Variants in BACE2 observed in about 807,000 individuals in gnomAD.
BACE2 encodes the protein beta-secretase 2.
Under a neutral mutation model 46.2 loss-of-function variants are expected in BACE2, and 17 were observed. The ratio of observed to expected loss-of-function variants is 0.37; its 90% CI spans 0.25 to 0.55. The LOEUF (loss-of-function observed/expected upper bound fraction) is 0.55. BACE2 is among the 20% of genes least tolerant of loss of function. The pLI is 0.82. For synonymous variants in BACE2, 277 were observed against 295.9 expected, an observed-to-expected ratio of 0.94 and a Z score of 0.66; for missense variants, 595 against 698.1, an observed-to-expected ratio of 0.85 and a Z score of 1.66.
At chr21:41,248,476 C>T (rs934981378) in intron 6 of BACE2, among the ~76,000 whole-genome samples, 1 of 152,210 alleles carries the variant, frequency 6.6e-6, no homozygotes, top group Admixed American at 6.5e-5. Flanking sequence ...CCGTGTCCCG[C>T]TGCAGACCTG....
chr21:41,255,565 G>A (rs1445501067), intron 7 of BACE2, among the ~76,000 whole-genome samples: 3 of 152,148 alleles, frequency 2.0e-5, no homozygotes, highest in Non-Finnish European at 2.9e-5. Flanking sequence ...GGCACTTCCC[G>A]CCCTATGGTT....
At position 41,257,235 on chromosome 21, in the gene BACE2, G is replaced by A. The variant is rs764727127; in HGVS notation, c.1212G>A (p.Ala404=). The change falls in exon 8 of 9, where the codon GCG becomes GCA. Residue 404 remains alanine, a synonymous_variant. Transcript: ENST00000330333. ...TCGGCATTTCCCCATCCACAAATGC[G>A]CTGGTGATCGGTGCCACGGTGATGG... is the stretch of plus-strand genomic sequence containing the variant. ...YRFGISPSTN[A]LVIGATVMEG... The A allele has an allele frequency of 6.8e-6, 11 of 1,614,200 alleles. No homozygotes were observed. Among genetic ancestry groups the A allele is most frequent in the Middle Eastern group, 1.6e-4 (1 of 6,062 alleles).
chr21:41,217,117 A>T (rs1186038012), intron 1 of BACE2, among the ~76,000 whole-genome samples: 3 of 152,066 alleles, frequency 2.0e-5, no homozygotes, highest in Non-Finnish European at 4.4e-5. Flanking sequence ...TTTTTAGTAG[A>T]GACGGGGTTT....
chr21:41,187,895 C>T (rs535339295), intron 1 of BACE2, among the ~76,000 whole-genome samples: 1 of 152,298 alleles, frequency 6.6e-6, no homozygotes, highest in African/African-American at 2.4e-5. Context: ...CCATGTAATC[C>T]ATCAGGAAGT....
At chr21:41,269,220 C>T (rs2123647996) in intron 8 of BACE2, among the ~76,000 whole-genome samples, 1 of 152,274 alleles carries the variant, frequency 6.6e-6, no homozygotes, top group Non-Finnish European at 1.5e-5. Flanking sequence ...TCCCAAAGTG[C>T]TGGGATTACA....
intron 8 of BACE2, among the ~76,000 whole-genome samples, chr21:41,265,397 T>C (rs1988043141): frequency 6.6e-6 from 1 of 152,256 alleles, no homozygotes. Flanking sequence ...GTAATTTTAA[T>C]GAATATCACT....
intron 8 of BACE2, among the ~76,000 whole-genome samples, chr21:41,265,966 C>T (rs1031113478): frequency 1.3e-5 from 2 of 152,116 alleles, no homozygotes; most frequent in Non-Finnish European, 2.9e-5. Context: ...AGGATAACTA[C>T]CCCCATTGTT....
intron 8 of BACE2, among the ~76,000 whole-genome samples, chr21:41,268,095 G>T (rs3787945): frequency 0.073 from 11,143 of 152,258 alleles, 462 homozygotes; most frequent in East Asian, 0.15. Context: ...TTTAGTAACA[G>T]CGGACACTTA....
At chr21:41,175,230 G>A (rs1216910939) in intron 1 of BACE2, 3 of 152,180 alleles carry the variant, frequency 2.0e-5, no homozygotes, top group African/African-American at 7.2e-5. Flanking sequence ...CAGGCCCCGG[G>A]TGGGATGTTT....
chr21:41,239,084 G>A (rs1186000312), intron 3 of BACE2, among the ~76,000 whole-genome samples: 1 of 151,272 alleles, frequency 6.6e-6, no homozygotes, highest in Non-Finnish European at 1.5e-5. Flanking sequence ...GTGTGGAAGG[G>A]AACAGAAGTG....
chr21:41,237,715 G>C lies in BACE2; in HGVS notation c.604G>C (p.Ala202Pro). The C allele has an allele frequency of 6.2e-7, 1 of 1,613,530 alleles. No individual in the cohort carries two copies. The highest frequency in any genetic ancestry group is 8.5e-7 in the Non-Finnish European group (1 of 1,179,456). The change falls in exon 3 of 9, where the codon GCC (alanine) becomes CCC (proline). Residue 202 changes from alanine to proline, a missense_variant. Physicochemically the swap from Ala to Pro is conservative, Grantham distance 27 (BLOSUM62 -1). Coordinates refer to ENST00000330333, the MANE Select transcript of BACE2 (RefSeq NM_012105.5). ...KWNGILGLAY[A>P]TLAKPSSSLE... ...GAATGGAATACTTGGCCTAGCTTAT[G>C]CCACACTTGCCAAGGTAAGGCTAAT...
chr21:41,193,035 A>G lies in BACE2; in HGVS notation c.312+24460A>G, dbSNP rs373941398. Among the ~76,000 whole-genome samples, 1 of 152,218 alleles carries G rather than the reference A, an allele frequency of 6.6e-6. No homozygotes were observed. Among genetic ancestry groups the G allele is most frequent in the Non-Finnish European group, 1.5e-5 (1 of 68,038 alleles). On this transcript the variant is annotated intron_variant, in intron 1 of 8. Transcript: ENST00000330333. This position sits in a 1 kb window ranked among gnomAD's most constrained non-coding sequence, Gnocchi z 4.2. ...CTCCTGGCACATAAATGTCTCACCA[A>G]TAAGTCCAGTGTGTTTGCTACTTCT...
rs544567332 is a variant in BACE2 at position 41,193,511 on chromosome 21, G to C, written c.312+24936G>C. Among the ~76,000 whole-genome samples, 1 of 152,240 alleles carries C rather than the reference G, an allele frequency of 6.6e-6. No homozygotes were observed. Among genetic ancestry groups the C allele is most frequent in the Non-Finnish European group, 1.5e-5 (1 of 68,040 alleles). ...CCACCCCTGCATCCTTCAAGTCCTT[G>C]ATGGTGGCACTAATCTCCACAATCC... On this transcript the variant is annotated intron_variant, in intron 1 of 8. Coordinates refer to ENST00000330333, the MANE Select transcript of BACE2 (RefSeq NM_012105.5). The surrounding 1 kb of genome is among the most constrained non-coding windows in gnomAD (Gnocchi z 4.2).
At chr21:41,191,260 G>A (rs1298673012) in intron 1 of BACE2, among the ~76,000 whole-genome samples, 1 of 152,150 alleles carries the variant, frequency 6.6e-6, no homozygotes, top group Non-Finnish European at 1.5e-5. Flanking sequence ...CCAACATTCT[G>A]TCAATCCAGC....
rs372219763 is a variant in BACE2, at chr21:41,257,607, G to C, written c.1303+281G>C. Among the ~76,000 whole-genome samples the C allele has an allele frequency of 3.9e-5, 6 of 152,310 alleles. No individual in the cohort carries two copies. In the South Asian group the frequency reaches 6.2e-4, roughly 16 times the overall value. ...AGTAAAAATATGCCGTGAAACCTTG[G>C]AGTTGAATTGCAATTTTTCGACAGT... On this transcript the variant is annotated intron_variant, in intron 8 of 8. Transcript: ENST00000330333.
At chr21:41,222,842 T>C (rs1262199450) in intron 1 of BACE2, among the ~76,000 whole-genome samples, 1 of 151,994 alleles carries the variant, frequency 6.6e-6, no homozygotes, top group Non-Finnish European at 1.5e-5. Context: ...GGTGGCTGGA[T>C]GTGGGCCATG....
chr21:41,203,222 C>A (rs28403075), intron 1 of BACE2, among the ~76,000 whole-genome samples: 2 of 152,002 alleles, frequency 1.3e-5, no homozygotes, highest in Non-Finnish European at 2.9e-5. Flanking sequence ...CATTACCACA[C>A]GGGCAAAGGA....
At chr21:41,235,826 G>A (rs976451028) in intron 2 of BACE2, among the ~76,000 whole-genome samples, 1 of 151,898 alleles carries the variant, frequency 6.6e-6, no homozygotes, top group Non-Finnish European at 1.5e-5. Context: ...GGATGACAGA[G>A]CAAGACCTTT....
intron 1 of BACE2, among the ~76,000 whole-genome samples, chr21:41,206,419 T>C (rs1986126111): frequency 6.6e-6 from 1 of 152,096 alleles, no homozygotes; most frequent in African/African-American, 2.4e-5. Context: ...ATACAAACAA[T>C]CAGGTCATAA....
Sources: gnomAD v4.1 joint callset for allele counts (sites outside exome capture counted in the v4.1 genomes callset) on GRCh38, gnomAD v4.1.1 for gene constraint, Gnocchi (gnomAD v3.1) non-coding constraint, MANE v1.5 for transcripts, NCBI Gene and HGNC (gene_info 2026-07-23, HGNC 2026-07-21) for gene names.